The following ENTREP1 variants were observed in gnomAD, a reference collection of about 807,000 sequenced individuals.
ENTREP1 encodes endosomal transmembrane epsin interactor 1.
the ENTREP1 span, chr9:69,325,517 C>T: frequency 6.1e-5 from 61 of 997,442 alleles, no homozygotes; most frequent in Admixed American, 5.9e-5. Context: ...GCTGGCCGCG[C>T]CGCCGGCGCT....
the ENTREP1 span, chr9:69,387,844 T>A: frequency 8.0e-7 from 1 of 1,246,796 alleles, no homozygotes; most frequent in South Asian, 1.5e-5. Context: ...CATCTATTTG[T>A]CATACCCCAT....
At chr9:69,373,700 C>T in the ENTREP1 span, among the ~76,000 whole-genome samples, 154 of 152,194 alleles carry the variant, frequency 1.0e-3, 1 homozygote, top group African/African-American at 3.5e-3. Flanking sequence ...TAGTCCTAAG[C>T]GGAGTAGGTT....
the ENTREP1 span, among the ~76,000 whole-genome samples, chr9:69,372,003 G>C: frequency 4.6e-5 from 7 of 152,086 alleles, no homozygotes; most frequent in Non-Finnish European, 8.8e-5. Flanking sequence ...AGCATTTAGA[G>C]TTTTTCCAGT....
At chr9:69,330,857 A>G in the ENTREP1 span, among the ~76,000 whole-genome samples, 2 of 152,176 alleles carry the variant, frequency 1.3e-5, 1 homozygote, top group South Asian at 4.1e-4. Flanking sequence ...TAGAGTATAC[A>G]TAGGAGAGTG....
the ENTREP1 span, among the ~76,000 whole-genome samples, chr9:69,341,684 T>G: frequency 6.6e-6 from 1 of 152,170 alleles, no homozygotes; most frequent in African/African-American, 2.4e-5. Flanking sequence ...TTTTTTTTCC[T>G]GAGGATATGG....
At chr9:69,347,030 G>A in the ENTREP1 span, among the ~76,000 whole-genome samples, 11 of 152,330 alleles carry the variant, frequency 7.2e-5, no homozygotes, top group African/African-American at 2.4e-4. Flanking sequence ...TCTAAAGGAC[G>A]GATTGGAGCA....
the ENTREP1 span, chr9:69,325,612 G>A: frequency 1.6e-6 from 2 of 1,230,142 alleles, no homozygotes; most frequent in Non-Finnish European, 2.0e-6. Flanking sequence ...TGTCACTTGG[G>A]CTGCTTCAGC....
At chr9:69,360,572 C>T in the ENTREP1 span, among the ~76,000 whole-genome samples, 1 of 152,150 alleles carries the variant, frequency 6.6e-6, no homozygotes, top group Non-Finnish European at 1.5e-5. Flanking sequence ...AAATGTCAAC[C>T]ATCCTCTTAC....
the ENTREP1 span, among the ~76,000 whole-genome samples, chr9:69,374,979 A>AG: frequency 6.6e-6 from 1 of 152,202 alleles, no homozygotes; most frequent in African/African-American, 2.4e-5. Flanking sequence ...ACAGTGCCTG[A>AG]GGTTTCTTTG....
the ENTREP1 span, chr9:69,329,628 T>C: frequency 2.0e-6 from 2 of 985,098 alleles, no homozygotes; most frequent in Admixed American, 6.2e-5. Context: ...TCACTCAATA[T>C]ATTATTATTC....
the ENTREP1 span, among the ~76,000 whole-genome samples, chr9:69,358,902 C>CTTTTTTTTTTTTTTTT: frequency 5.2e-5 from 5 of 96,330 alleles, no homozygotes; most frequent in East Asian, 2.7e-4. Flanking sequence ...CTTTTTCTTT[C>CTTTTTTTTTTTTTTTT]TTTTTTTTTT....
At chr9:69,337,424 ATC>A in the ENTREP1 span, among the ~76,000 whole-genome samples, 9 of 152,108 alleles carry the variant, frequency 5.9e-5, no homozygotes, top group African/African-American at 1.9e-4. Context: ...TTGCTATATT[ATC>A]TCTTTGTCAC....
At chr9:69,368,515 A>G in the ENTREP1 span, among the ~76,000 whole-genome samples, 2 of 152,060 alleles carry the variant, frequency 1.3e-5, no homozygotes, top group Non-Finnish European at 2.9e-5. Context: ...CTTGATCGTG[A>G]TGTATATCTT....
the ENTREP1 span, among the ~76,000 whole-genome samples, chr9:69,354,345 T>C: frequency 6.7e-6 from 1 of 149,402 alleles, no homozygotes; most frequent in Admixed American, 6.8e-5. Context: ...CAACCTCTGT[T>C]TCCTGGGTTC....
the ENTREP1 span, among the ~76,000 whole-genome samples, chr9:69,340,196 A>G: frequency 6.6e-6 from 1 of 152,072 alleles, no homozygotes; most frequent in Non-Finnish European, 1.5e-5. Flanking sequence ...GTTGTCAGGG[A>G]GTATTTTGGT....
chr9:69,327,414 G>A, the ENTREP1 span, among the ~76,000 whole-genome samples: 33 of 152,328 alleles, frequency 2.2e-4, no homozygotes, highest in East Asian at 6.0e-3. Flanking sequence ...CCACGGGCCA[G>A]TAATGATCTT....
At chr9:69,335,762 CAGA>C in the ENTREP1 span, among the ~76,000 whole-genome samples, 1 of 98,594 alleles carries the variant, frequency 1.0e-5, no homozygotes, top group African/African-American at 3.8e-5. Context: ...CCTCACTCAC[CAGA>C]AGGAGAGGCT....
chr9:69,358,750 C>T, the ENTREP1 span, among the ~76,000 whole-genome samples: 1,034 of 152,124 alleles, frequency 6.8e-3, 11 homozygotes, highest in African/African-American at 0.022. Flanking sequence ...AACACATGTA[C>T]GTGCACAAAT....
the ENTREP1 span, among the ~76,000 whole-genome samples, chr9:69,370,641 G>A: frequency 2.0e-5 from 3 of 152,138 alleles, no homozygotes; most frequent in Non-Finnish European, 2.9e-5. Flanking sequence ...AATGGGTCTC[G>A]GGAAATGCTT....
Sources: gnomAD v4.1 joint callset for allele counts (sites outside exome capture counted in the v4.1 genomes callset) on GRCh38, gnomAD v4.1.1 for gene constraint, MANE v1.5 for transcripts, NCBI Gene and HGNC (gene_info 2026-07-23, HGNC 2026-07-21) for gene names.